The following TMEM143 variants were observed in gnomAD, a reference collection of about 807,000 sequenced individuals.
TMEM143 encodes the protein transmembrane protein 143.
In TMEM143, 45 loss-of-function variants were observed where a neutral mutation model predicts 40.3. The ratio of observed to expected loss-of-function variants is 1.12; its 90% CI spans 0.88 to 1.43. The LOEUF is 1.43. TMEM143 is among the 40% of genes most tolerant of loss of function. The pLI is 0.00. For synonymous variants in TMEM143, 299 were observed against 282.7 expected (o/e 1.06, Z -0.58); for missense variants, 620 against 613.4 (o/e 1.01, Z -0.11).
At chr19:48,339,978 C>T (rs1483282610) in intron 6 of TMEM143, among the ~76,000 whole-genome samples, 1 of 151,950 alleles carries the variant, frequency 6.6e-6, no homozygotes, top group Non-Finnish European at 1.5e-5. Context: ...ATCTGCCTGC[C>T]TCAGCCTCCC....
chr19:48,340,636 G>T (rs1392674397), intron 6 of TMEM143, among the ~76,000 whole-genome samples: 2 of 152,106 alleles, frequency 1.3e-5, no homozygotes, highest in African/African-American at 4.8e-5. Flanking sequence ...AGCAAGGGGT[G>T]AGGCAATAGT....
At chr19:48,357,378 G>A (rs1247915336) in intron 3 of TMEM143, among the ~76,000 whole-genome samples, 45 of 69,638 alleles carry the variant, frequency 6.5e-4, no homozygotes, top group African/African-American at 2.4e-3. Flanking sequence ...TTTCTGAGAC[G>A]GAGTCTCACT....
At chr19:48,348,745 A>T (rs1219834917) in intron 3 of TMEM143, among the ~76,000 whole-genome samples, 3 of 152,176 alleles carry the variant, frequency 2.0e-5, no homozygotes, top group Non-Finnish European at 4.4e-5. Flanking sequence ...AGAATGACAC[A>T]TTTGACCATG....
At chr19:48,350,830 G>A (rs575423920) in intron 3 of TMEM143, among the ~76,000 whole-genome samples, 8 of 143,388 alleles carry the variant, frequency 5.6e-5, no homozygotes, top group Non-Finnish European at 8.9e-5. Flanking sequence ...ACTGAGGCAG[G>A]AGAATTGCTT....
intron 6 of TMEM143, among the ~76,000 whole-genome samples, chr19:48,342,098 G>A (rs1408978963): frequency 2.3e-5 from 3 of 133,182 alleles, no homozygotes; most frequent in African/African-American, 5.7e-5. Flanking sequence ...AGGGAAGGGG[G>A]GAGGAAGGAG....
intron 3 of TMEM143, among the ~76,000 whole-genome samples, chr19:48,356,130 T>C (rs994760861): frequency 6.6e-6 from 1 of 151,870 alleles, no homozygotes; most frequent in African/African-American, 2.4e-5. Context: ...TTTCTTTTTT[T>C]TTTTTGGGAT....
At chr19:48,339,013 G>A (rs1036825130) in intron 6 of TMEM143, among the ~76,000 whole-genome samples, 6 of 152,226 alleles carry the variant, frequency 3.9e-5, no homozygotes, top group Non-Finnish European at 8.8e-5. Flanking sequence ...CATGCAGGAG[G>A]AGCTGAGGCG....
At chr19:48,336,939 TGAACCTGGGAGGCG>T (rs1969383843) in intron 6 of TMEM143, among the ~76,000 whole-genome samples, 1 of 150,600 alleles carries the variant, frequency 6.6e-6, no homozygotes, top group Non-Finnish European at 1.5e-5. Context: ...GAGAATGGCG[TGAACCTGGGAGGCG>T]GAGCTTGCAG....
At chr19:48,354,328 G>A (rs1455828757) in intron 3 of TMEM143, among the ~76,000 whole-genome samples, 3 of 146,930 alleles carry the variant, frequency 2.0e-5, no homozygotes, top group Non-Finnish European at 1.5e-5. Context: ...GCAGTGGTGC[G>A]ATCTCAGCTC....
intron 3 of TMEM143, among the ~76,000 whole-genome samples, chr19:48,359,454 G>A (rs994155960): frequency 6.6e-6 from 1 of 150,736 alleles, no homozygotes; most frequent in African/African-American, 2.4e-5. Flanking sequence ...TCACCTCCTT[G>A]GGGAGCCCTT....
rs1163420349 is a variant in TMEM143, at chr19:48,334,069, C to T, written c.1104G>A (p.Glu368=). The T allele has an allele frequency of 6.3e-7, 1 of 1,584,144 alleles. No individual in the cohort carries two copies. Among genetic ancestry groups the T allele is most frequent in the Admixed American group, 1.8e-5 (1 of 56,186 alleles). The change falls in exon 7 of 8, where the codon GAG becomes GAA. Residue 368 remains glutamate (E), a synonymous_variant. Coordinates refer to ENST00000293261, the MANE Select transcript of TMEM143 (RefSeq NM_018273.4). ...CCAGGAAGCTGTGAGCCAGCAGCGC[C>T]TCCTTGGTGTGCTCGTCCTGCGCGC... is the stretch of plus-strand genomic sequence containing the variant. The part of the protein sequence containing the change: ...ALRAQDEHTK[E]ALLAHSFLAR...
chr19:48,335,727 A>AAAT (rs1200933004), intron 6 of TMEM143, among the ~76,000 whole-genome samples: 7 of 151,770 alleles, frequency 4.6e-5, no homozygotes, highest in South Asian at 2.1e-4. Context: ...CTGCCTCAAA[A>AAAT]AATAATAATA....
chr19:48,361,675 G>A (rs1970043841), intron 2 of TMEM143, among the ~76,000 whole-genome samples: 1 of 152,030 alleles, frequency 6.6e-6, no homozygotes, highest in Admixed American at 6.6e-5. Flanking sequence ...GACTACAGGA[G>A]CCTGCCACCT....
chr19:48,353,261 C>G (rs943729594), intron 3 of TMEM143, among the ~76,000 whole-genome samples: 1 of 150,916 alleles, frequency 6.6e-6, no homozygotes, highest in African/African-American at 2.4e-5. Context: ...CTCACTGCAA[C>G]CTCTGCCTCC....
chr19:48,333,976 C>T lies in TMEM143; in HGVS notation c.1165+32G>A. ...GGCGGGGCCTCGCGGGGGTGTGGCC[C>T]CTGGGGGCAGGGTCCCAGGGCCACG... On this transcript the variant is annotated intron_variant, in intron 7 of 7. Transcript: ENST00000293261. The surrounding 1 kb of genome is among the most constrained non-coding windows in gnomAD (Gnocchi z 4.1). 1 of 1,500,700 alleles carries T rather than the reference C, an allele frequency of 6.7e-7. No individual in the cohort carries two copies. The highest frequency in any genetic ancestry group is 8.9e-7 in the Non-Finnish European group (1 of 1,125,336). The allele number at this position is 1,500,700 out of a possible 1,614,324, so 93.0% of individuals were successfully genotyped here.
chr19:48,361,970 T>C (rs1970050127), intron 2 of TMEM143, among the ~76,000 whole-genome samples: 1 of 152,190 alleles, frequency 6.6e-6, no homozygotes, highest in Admixed American at 6.5e-5. Context: ...ATTACACATG[T>C]CCTATATACA....
intron 6 of TMEM143, among the ~76,000 whole-genome samples, chr19:48,336,680 C>T (rs1410752050): frequency 2.0e-5 from 3 of 149,700 alleles, no homozygotes; most frequent in South Asian, 2.1e-4. Flanking sequence ...TTAGCCTGGG[C>T]GACAGAGTGA....
At chr19:48,363,697 T>C in intron 1 of TMEM143, 166 bp from the exon 2 acceptor site, 1 of 1,370,044 alleles carries the variant, frequency 7.3e-7, no homozygotes, top group South Asian at 1.4e-5. Context: ...CACTGCTCAG[T>C]TGGCCTGGGT....
At chr19:48,360,222 C>A (rs367966921) in intron 2 of TMEM143, 46 bp from the exon 3 acceptor site, 3 of 1,572,784 alleles carry the variant, frequency 1.9e-6, no homozygotes, top group Non-Finnish European at 2.6e-6. Context: ...TTTTCCCCTT[C>A]CCCGAGGGAA....
Sources: allele counts gnomAD v4.1 joint callset (sites outside exome capture counted in the v4.1 genomes callset), GRCh38; gene constraint gnomAD v4.1.1; non-coding constraint Gnocchi (gnomAD v3.1); transcripts MANE v1.5; gene names NCBI Gene and HGNC (gene_info 2026-07-23, HGNC 2026-07-21).